Variants in DPP10 observed in about 807,000 individuals in gnomAD.
DPP10 encodes dipeptidyl peptidase like 10.
DPP10 carries 33 observed loss-of-function variants against 120.9 expected under a neutral mutation model. The ratio of observed to expected loss-of-function variants is 0.27; its 90% CI spans 0.21 to 0.37. The LOEUF is 0.37. DPP10 is among the 10% of genes least tolerant of loss of function. DPP10 has a pLI of 1.00. For synonymous variants in DPP10, 337 were observed against 326.1 expected, an observed-to-expected ratio of 1.03 and a Z score of -0.36; for missense variants, 816 against 942.8, an observed-to-expected ratio of 0.87 and a Z score of 1.76.
At chr2:115,060,059 C>CT (rs941678997) in intron 1 of DPP10, among the ~76,000 whole-genome samples, 2 of 152,060 alleles carry the variant, frequency 1.3e-5, no homozygotes, top group Admixed American at 1.3e-4. Context: ...AGCTCCCTCT[C>CT]TCACTATTGT....
chr2:115,559,470 TA>T (rs1429872883), intron 5 of DPP10, among the ~76,000 whole-genome samples: 1 of 152,174 alleles, frequency 6.6e-6, no homozygotes, highest in Non-Finnish European at 1.5e-5. Context: ...GTGACCTAAT[TA>T]AAGTCATTCT....
In DPP10 at chr2:115,737,324, A is replaced by C. The variant is rs532442541; in HGVS notation, c.698-2415A>C. Among the ~76,000 whole-genome samples, 13 of 152,180 alleles carry C rather than the reference A, an allele frequency of 8.5e-5. No homozygotes were observed. In the East Asian group the frequency reaches 1.2e-3, roughly 14 times the overall value. On this transcript the variant is annotated intron_variant, in intron 8 of 25. Coordinates refer to ENST00000410059, the MANE Select transcript of DPP10 (RefSeq NM_020868.6). ...GAATGGTGTGTGTGTGTTCAGTTCTATGGTCAGTGGATCAGATAGCCATCA... is the reference window on the plus strand; with the variant it reads ...GAATGGTGTGTGTGTGTTCAGTTCTCTGGTCAGTGGATCAGATAGCCATCA...
intron 19 of DPP10, among the ~76,000 whole-genome samples, chr2:115,794,308 C>T (rs1352155608): frequency 2.6e-5 from 4 of 152,138 alleles, no homozygotes. Context: ...CAGGCTGCAG[C>T]AAGCACCTGA....
At chr2:114,478,646 T>C (rs1405320559) in intron 1 of DPP10, among the ~76,000 whole-genome samples, 6 of 152,132 alleles carry the variant, frequency 3.9e-5, no homozygotes, top group African/African-American at 1.2e-4. Flanking sequence ...GAAAATTATC[T>C]CCATTTACAA....
At chr2:114,548,858 A>G (rs1411241518) in intron 1 of DPP10, among the ~76,000 whole-genome samples, 1 of 152,134 alleles carries the variant, frequency 6.6e-6, no homozygotes, top group Non-Finnish European at 1.5e-5. Flanking sequence ...ACACATACGA[A>G]AGCTGACTCT....
At position 114,854,416 on chromosome 2, in the gene DPP10, T is replaced by C. The variant is rs78394178; in HGVS notation, c.60+411578T>C. Among the ~76,000 whole-genome samples, 1,505 of 152,228 alleles carry C rather than the reference T, an allele frequency of 9.9e-3. 30 individuals are homozygous for C. The highest frequency in any genetic ancestry group is 0.033 in the African/African-American group (1,384 of 41,532). On this transcript the variant is annotated intron_variant, in intron 1 of 25. Coordinates refer to ENST00000410059, the MANE Select transcript of DPP10 (RefSeq NM_020868.6). ...TTTCATAAAAAAATGAATAAAGAGA[T>C]CTTCCATCCAGTGTTCAAAAGCCTG...
intron 1 of DPP10, among the ~76,000 whole-genome samples, chr2:115,010,085 A>G (rs547834406): frequency 6.6e-6 from 1 of 152,292 alleles, no homozygotes; most frequent in African/African-American, 2.4e-5. Flanking sequence ...CAACTTTATG[A>G]TTTTAATAAA....
In DPP10 at chr2:114,470,668, G is replaced by T. The variant is rs144588838; in HGVS notation, c.60+27830G>T. On this transcript the variant is annotated intron_variant, in intron 1 of 25. Transcript: ENST00000410059. ...GTTATAGAAATTTACAAGTTACTTT[G>T]CAAGTGTAGCTATATTCATGTATGT... Among the ~76,000 whole-genome samples, 95 of 152,280 alleles carry T rather than the reference G, an allele frequency of 6.2e-4. 2 individuals carry two copies. Among genetic ancestry groups the T allele is most frequent in the African/African-American group, 2.3e-3 (94 of 41,554 alleles).
chr2:114,829,923 G>A (rs747448980), intron 1 of DPP10, among the ~76,000 whole-genome samples: 1 of 151,928 alleles, frequency 6.6e-6, no homozygotes, highest in Non-Finnish European at 1.5e-5. Context: ...ACGTCCATGC[G>A]ATCAAGTTGG....
intron 8 of DPP10, among the ~76,000 whole-genome samples, chr2:115,731,580 A>T (rs2092911573): frequency 6.6e-6 from 1 of 152,192 alleles, no homozygotes; most frequent in Non-Finnish European, 1.5e-5. Context: ...AGTGATTTAG[A>T]CATGGCCTCA....
At chr2:114,815,039 T>C (rs2106335976) in intron 1 of DPP10, among the ~76,000 whole-genome samples, 1 of 152,258 alleles carries the variant, frequency 6.6e-6, no homozygotes, top group South Asian at 2.1e-4. Context: ...AACAGAAGGT[T>C]CCCTCCACCC....
chr2:114,720,457 G>A (rs1377926705), intron 1 of DPP10, among the ~76,000 whole-genome samples: 3 of 152,030 alleles, frequency 2.0e-5, no homozygotes, highest in Non-Finnish European at 4.4e-5. Context: ...TTCTTCTTAA[G>A]GTCTTCAGTT....
At chr2:115,238,755 A>G (rs1169271248) in intron 1 of DPP10, among the ~76,000 whole-genome samples, 1 of 152,210 alleles carries the variant, frequency 6.6e-6, no homozygotes, top group Non-Finnish European at 1.5e-5. Context: ...AGGATTTAGA[A>G]TATTATATAA....
At chr2:114,786,916 A>T (rs1020123900) in intron 1 of DPP10, among the ~76,000 whole-genome samples, 2 of 151,444 alleles carry the variant, frequency 1.3e-5, no homozygotes, top group African/African-American at 2.4e-5. Flanking sequence ...AACAATCCCG[A>T]CCCCTCCCCT....
intron 1 of DPP10, among the ~76,000 whole-genome samples, chr2:115,157,893 T>G (rs938998094): frequency 6.6e-6 from 1 of 152,192 alleles, no homozygotes; most frequent in Non-Finnish European, 1.5e-5. Flanking sequence ...AGGTGGTCTT[T>G]ACATGACACT....
chr2:115,518,851 T>G (rs1208516815), intron 4 of DPP10, among the ~76,000 whole-genome samples: 1 of 152,114 alleles, frequency 6.6e-6, no homozygotes, highest in Non-Finnish European at 1.5e-5. Flanking sequence ...TTTTAGGACT[T>G]CCATAGCTTT....
Position 114,869,474 on chromosome 2 carries a change from C to T in DPP10, c.60+426636C>T, listed in dbSNP as rs960896942. 3.9e-5 allele frequency among the ~76,000 whole-genome samples: 6 copies of T among 152,078 alleles called. No individual in the cohort carries two copies. In the South Asian group the frequency reaches 6.2e-4, roughly 16 times the overall value. ...TCAAGGATTCATTGTGAAACAGTCC[C>T]CCCAGGTTCAGAAAACTACCAAGAG... On this transcript the variant is annotated intron_variant, in intron 1 of 25. Transcript: ENST00000410059.
chr2:115,441,621 TGTTAGA>T (rs1393690771), intron 3 of DPP10, among the ~76,000 whole-genome samples: 9 of 152,164 alleles, frequency 5.9e-5, no homozygotes, highest in Non-Finnish European at 1.2e-4. Flanking sequence ...CACTAGTCTA[TGTTAGA>T]CTATTGAGCA....
chr2:115,590,163 A>C (rs2082550888), intron 5 of DPP10, among the ~76,000 whole-genome samples: 1 of 136,466 alleles, frequency 7.3e-6, no homozygotes, highest in Non-Finnish European at 1.6e-5. Flanking sequence ...TATTATTATT[A>C]TTATTATTAT....
Sources: allele counts gnomAD v4.1 joint callset (sites outside exome capture counted in the v4.1 genomes callset), GRCh38; gene constraint gnomAD v4.1.1; transcripts MANE v1.5; gene names NCBI Gene and HGNC (gene_info 2026-07-23, HGNC 2026-07-21).